Variants in ATXN7L1 observed in about 807,000 individuals in gnomAD.
ATXN7L1 encodes ataxin 7 like 1.
In ATXN7L1, 15 loss-of-function variants were observed where a neutral mutation model predicts 70.8. The ratio of observed to expected loss-of-function variants is 0.21; its 90% CI spans 0.14 to 0.33. ATXN7L1 has a LOEUF of 0.33. Ranked by LOEUF, ATXN7L1 falls within the 10% of genes least tolerant of loss-of-function variation. The pLI, the probability that ATXN7L1 is intolerant of heterozygous loss-of-function variation, is 1.00. For synonymous variants in ATXN7L1, 440 were observed against 445.1 expected, an observed-to-expected ratio of 0.99 and a Z score of 0.14; for missense variants, 975 against 1,097.1, an observed-to-expected ratio of 0.89 and a Z score of 1.57.
At chr7:105,683,723 C>G (rs1230431990) in intron 3 of ATXN7L1, among the ~76,000 whole-genome samples, 1 of 152,030 alleles carries the variant, frequency 6.6e-6, no homozygotes, top group Non-Finnish European at 1.5e-5. Context: ...ACCACCGCCA[C>G]TACCAATGCC....
intron 5 of ATXN7L1, among the ~76,000 whole-genome samples, chr7:105,640,813 C>T (rs1798068306): frequency 6.6e-6 from 1 of 152,202 alleles, no homozygotes; most frequent in African/African-American, 2.4e-5. Context: ...TGGAAGGCAC[C>T]GAGCAAACAC....
chr7:105,863,882 C>A (rs1816995119), intron 2 of ATXN7L1, among the ~76,000 whole-genome samples: 1 of 151,518 alleles, frequency 6.6e-6, no homozygotes. Flanking sequence ...AACAAAAAAA[C>A]ACATAAGTTG....
chr7:105,790,867 C>T (rs12533538), intron 2 of ATXN7L1, among the ~76,000 whole-genome samples: 3 of 152,022 alleles, frequency 2.0e-5, no homozygotes, highest in Non-Finnish European at 2.9e-5. Context: ...AGGGGTGATA[C>T]AGGAATTAAA....
chr7:105,717,979 A>G (rs945402102), intron 3 of ATXN7L1, among the ~76,000 whole-genome samples: 1 of 152,232 alleles, frequency 6.6e-6, no homozygotes, highest in African/African-American at 2.4e-5. Context: ...GTTGAAAACT[A>G]TAACTGTTTC....
intron 3 of ATXN7L1, among the ~76,000 whole-genome samples, chr7:105,708,515 G>A (rs530787195): frequency 9.9e-5 from 15 of 152,248 alleles, no homozygotes; most frequent in East Asian, 5.8e-4. Flanking sequence ...AAATTGGAGC[G>A]CAACTTATTT....
intron 2 of ATXN7L1, among the ~76,000 whole-genome samples, chr7:105,871,710 CA>C (rs11350779): frequency 0.38 from 48,550 of 127,360 alleles, 8,903 homozygotes; most frequent in African/African-American, 0.55. Context: ...GATTCTGTCT[CA>C]AAAAAAAAAA....
intron 3 of ATXN7L1, among the ~76,000 whole-genome samples, chr7:105,704,593 T>C (rs1197079726): frequency 3.6e-5 from 5 of 139,356 alleles, no homozygotes; most frequent in Admixed American, 2.8e-4. Context: ...TCTTTTTTTT[T>C]TTTTTTTTTT....
chr7:105,766,706 T>C lies in ATXN7L1; in HGVS notation c.355+21898A>G, dbSNP rs557152962. ...AAACCGCTGGGATTAGACGATCCTG[T>C]GTTTGGACACCCATATGCTGCCTCA... On this transcript the variant is annotated intron_variant, in intron 3 of 11. Transcript: ENST00000419735. 1.1e-4 allele frequency among the ~76,000 whole-genome samples: 17 copies of C among 152,316 alleles called. No individual in the cohort carries two copies. The South Asian group carries it at 3.3e-3, about 30-fold the overall frequency.
At chr7:105,779,302 A>C (rs890928595) in intron 3 of ATXN7L1, among the ~76,000 whole-genome samples, 1 of 152,230 alleles carries the variant, frequency 6.6e-6, no homozygotes, top group African/African-American at 2.4e-5. Context: ...TGTTTAGCAC[A>C]TAGTAAGTGC....
intron 2 of ATXN7L1, among the ~76,000 whole-genome samples, chr7:105,801,561 G>A (rs1242393012): frequency 6.6e-6 from 1 of 152,166 alleles, no homozygotes; most frequent in Non-Finnish European, 1.5e-5. Context: ...GGAACTTCTT[G>A]CTAGTTAAAA....
At chr7:105,833,522 GAT>G (rs1811938976) in intron 2 of ATXN7L1, among the ~76,000 whole-genome samples, 1 of 152,180 alleles carries the variant, frequency 6.6e-6, no homozygotes, top group Admixed American at 6.5e-5. Context: ...CCATTGCACA[GAT>G]ATAGACATAT....
chr7:105,855,704 T>G (rs983334142), intron 2 of ATXN7L1, among the ~76,000 whole-genome samples: 1 of 152,214 alleles, frequency 6.6e-6, no homozygotes, highest in Non-Finnish European at 1.5e-5. Context: ...TCAACTTAAT[T>G]GCAGATCAAA....
At chr7:105,659,836 A>G (rs1396169281) in intron 4 of ATXN7L1, among the ~76,000 whole-genome samples, 2 of 147,586 alleles carry the variant, frequency 1.4e-5, no homozygotes, top group Admixed American at 6.7e-5. Flanking sequence ...CTATCTCTTG[A>G]CCCCTGGTTC....
At chr7:105,844,089 C>G (rs1202025598) in intron 2 of ATXN7L1, among the ~76,000 whole-genome samples, 1 of 152,168 alleles carries the variant, frequency 6.6e-6, no homozygotes, top group Non-Finnish European at 1.5e-5. Context: ...ATGGCCTGCA[C>G]TTCTTATAGC....
chr7:105,738,925 A>G (rs1797706883), intron 3 of ATXN7L1, among the ~76,000 whole-genome samples: 1 of 152,258 alleles, frequency 6.6e-6, no homozygotes, highest in African/African-American at 2.4e-5. Context: ...GTAGAGAAGA[A>G]TACAGTACTA....
intron 3 of ATXN7L1, among the ~76,000 whole-genome samples, chr7:105,738,986 T>C (rs983037428): frequency 1.3e-5 from 2 of 152,094 alleles, no homozygotes; most frequent in African/African-American, 2.4e-5. Flanking sequence ...CCAAGGTCCA[T>C]CCCTTCTGAC....
intron 3 of ATXN7L1, among the ~76,000 whole-genome samples, chr7:105,767,096 G>C (rs1182457756): frequency 6.6e-6 from 1 of 152,206 alleles, no homozygotes; most frequent in Non-Finnish European, 1.5e-5. Context: ...ACAGATAACA[G>C]GGGAATGATT....
At chr7:105,873,148 C>G (rs567903988) in intron 2 of ATXN7L1, among the ~76,000 whole-genome samples, 37 of 116,500 alleles carry the variant, frequency 3.2e-4, no homozygotes, top group Non-Finnish European at 4.8e-4. Flanking sequence ...AGCAAGACTC[C>G]GTCTCAAAAA....
At chr7:105,815,614 G>A (rs1809070133) in intron 2 of ATXN7L1, among the ~76,000 whole-genome samples, 1 of 152,172 alleles carries the variant, frequency 6.6e-6, no homozygotes, top group Non-Finnish European at 1.5e-5. Flanking sequence ...GACCCACATG[G>A]CGTCAAAAAC....
Sources: allele counts gnomAD v4.1 joint callset (sites outside exome capture counted in the v4.1 genomes callset), GRCh38; gene constraint gnomAD v4.1.1; transcripts MANE v1.5; gene names NCBI Gene and HGNC (gene_info 2026-07-23, HGNC 2026-07-21).